FHIT: variants seen among roughly 807,000 people sequenced by gnomAD.
FHIT encodes the protein fragile histidine triad diadenosine triphosphatase.
In FHIT, 19 loss-of-function variants were observed where a neutral mutation model predicts 17.9. The observed-to-expected ratio is 1.06, with a 90% CI of 0.74 to 1.56. The LOEUF is 1.56. Among genes scored for constraint, FHIT ranks in the 40% most tolerant of loss-of-function variants. The probability of loss-of-function intolerance (pLI) is 0.00; values close to 1 mark genes in which losing one functional copy is unlikely to be tolerated. For missense variants in FHIT, 248 were observed against 189.2 expected (o/e 1.31, Z -1.82); for synonymous variants, 81 against 69.7 (o/e 1.16, Z -0.81).
At chr3:60,608,700 G>A (rs887167346) in intron 4 of FHIT, among the ~76,000 whole-genome samples, 2 of 151,908 alleles carry the variant, frequency 1.3e-5, no homozygotes, top group East Asian at 3.9e-4. Context: ...TTTGTTTTTA[G>A]GAATATATTT....
chr3:60,345,555 G>C (rs561280956), intron 5 of FHIT, among the ~76,000 whole-genome samples: 7 of 152,176 alleles, frequency 4.6e-5, no homozygotes, highest in African/African-American at 1.7e-4. Flanking sequence ...TTGTAGACTA[G>C]AACGAGAACC....
At chr3:60,744,247 AAAAAAAAAAACAAAACAAAAC>A (rs1406690494) in intron 4 of FHIT, among the ~76,000 whole-genome samples, 680 of 40,354 alleles carry the variant, frequency 0.017, 25 homozygotes, top group African/African-American at 0.07. Flanking sequence ...GAAGTAATGT[AAAAAAAAAAACAAAACAAAAC>A]AAAAAAAAAA....
At chr3:60,118,972 G>C (rs1473124158) in intron 5 of FHIT, among the ~76,000 whole-genome samples, 2 of 151,072 alleles carry the variant, frequency 1.3e-5, no homozygotes, top group Admixed American at 6.6e-5. Flanking sequence ...AGTGAGCTGA[G>C]ATGCTGCCAC....
chr3:60,571,694 C>A (rs1327020163), intron 4 of FHIT, among the ~76,000 whole-genome samples: 1 of 152,032 alleles, frequency 6.6e-6, no homozygotes. Flanking sequence ...AAAAGAAATA[C>A]AATTATCATT....
intron 5 of FHIT, among the ~76,000 whole-genome samples, chr3:60,298,487 A>G (rs896783740): frequency 2.6e-5 from 4 of 152,160 alleles, no homozygotes; most frequent in Non-Finnish European, 5.9e-5. Context: ...AAATATCACA[A>G]AAGTATTCGA....
intron 5 of FHIT, among the ~76,000 whole-genome samples, chr3:60,290,542 G>A (rs752749473): frequency 1.3e-5 from 2 of 152,078 alleles, no homozygotes; most frequent in African/African-American, 4.8e-5. Context: ...GAATCTGGAA[G>A]TGGAATGTCT....
intron 5 of FHIT, among the ~76,000 whole-genome samples, chr3:60,251,111 A>C (rs1374325789): frequency 6.6e-6 from 1 of 152,180 alleles, no homozygotes; most frequent in East Asian, 1.9e-4. Context: ...TTTGAGCTTT[A>C]TGCAATCGAG....
At chr3:60,996,623 GT>G (rs1295760944) in intron 3 of FHIT, among the ~76,000 whole-genome samples, 1 of 152,200 alleles carries the variant, frequency 6.6e-6, no homozygotes. Flanking sequence ...AGAATTACGT[GT>G]TTGAATCCAC....
chr3:60,254,814 T>C (rs546723680), intron 5 of FHIT, among the ~76,000 whole-genome samples: 3 of 152,288 alleles, frequency 2.0e-5, no homozygotes, highest in Admixed American at 6.5e-5. Flanking sequence ...TAAATTACAA[T>C]TGTAAATGTC....
intron 5 of FHIT, among the ~76,000 whole-genome samples, chr3:60,304,569 CT>C: frequency 6.6e-6 from 1 of 152,070 alleles, no homozygotes; most frequent in East Asian, 1.9e-4. Context: ...AAGCACTTAT[CT>C]TTTATCATCA....
rs114877231 is a variant in FHIT at position 59,859,846 on chromosome 3, C to T, written c.348+62500G>A. Among the ~76,000 whole-genome samples, 1,126 of 152,238 alleles carry T rather than the reference C, an allele frequency of 7.4e-3. 8 individuals are homozygous for T. The highest frequency in any genetic ancestry group is 0.017 in the African/African-American group (693 of 41,530). On this transcript the variant is annotated intron_variant, in intron 8 of 9. Transcript: ENST00000492590. The stretch of plus-strand genomic sequence containing the variant: ...AAAAAAGAAAATGTCATCACTGAGA[C>T]AGTTGGCAAAATGTGAATGGGGCCT...
chr3:60,099,643 T>C (rs1704108990), intron 5 of FHIT, among the ~76,000 whole-genome samples: 1 of 152,232 alleles, frequency 6.6e-6, no homozygotes, highest in Non-Finnish European at 1.5e-5. Flanking sequence ...GTTATCTCAC[T>C]GGCCTCACCC....
At chr3:59,893,434 C>G (rs1703938937) in intron 8 of FHIT, among the ~76,000 whole-genome samples, 1 of 152,142 alleles carries the variant, frequency 6.6e-6, no homozygotes, top group Admixed American at 6.5e-5. Flanking sequence ...GTAAACTAAA[C>G]TGGATTTATA....
At chr3:60,777,934 A>T (rs1700261698) in intron 4 of FHIT, among the ~76,000 whole-genome samples, 1 of 152,168 alleles carries the variant, frequency 6.6e-6, no homozygotes, top group East Asian at 1.9e-4. Context: ...TGAACATTTA[A>T]CAGCCTTCCC....
intron 3 of FHIT, among the ~76,000 whole-genome samples, chr3:60,991,106 G>C (rs567023837): frequency 6.6e-6 from 1 of 152,314 alleles, no homozygotes; most frequent in Non-Finnish European, 1.5e-5. Context: ...CGGGGGTGGA[G>C]GGGCGGTCAG....
At chr3:61,026,686 G>A (rs1036352890) in intron 3 of FHIT, among the ~76,000 whole-genome samples, 1 of 151,990 alleles carries the variant, frequency 6.6e-6, no homozygotes, top group Non-Finnish European at 1.5e-5. Flanking sequence ...ATCAGTTGCC[G>A]TTAGTGTATT....
intron 4 of FHIT, among the ~76,000 whole-genome samples, chr3:60,819,533 C>T (rs1250808675): frequency 2.6e-5 from 4 of 152,094 alleles, no homozygotes; most frequent in Admixed American, 6.6e-5. Context: ...TAATATGCCA[C>T]GAGAAACAGA....
intron 7 of FHIT, among the ~76,000 whole-genome samples, chr3:59,948,272 A>G (rs1444203507): frequency 4.6e-5 from 7 of 151,806 alleles, no homozygotes; most frequent in African/African-American, 1.7e-4. Flanking sequence ...TGGGAGGCCA[A>G]CGTGGGTAGA....
At chr3:60,752,006 A>G (rs2042476555) in intron 4 of FHIT, among the ~76,000 whole-genome samples, 1 of 152,236 alleles carries the variant, frequency 6.6e-6, no homozygotes, top group Non-Finnish European at 1.5e-5. Flanking sequence ...AAACTAGGTT[A>G]TAAAGCTGCA....
Sources: gnomAD v4.1 joint callset for allele counts (sites outside exome capture counted in the v4.1 genomes callset) on GRCh38, gnomAD v4.1.1 for gene constraint, MANE v1.5 for transcripts, NCBI Gene and HGNC (gene_info 2026-07-23, HGNC 2026-07-21) for gene names.